PIEZO2: variants seen among roughly 807,000 people sequenced by gnomAD.
The protein encoded by PIEZO2 is piezo type mechanosensitive ion channel component 2.
In PIEZO2, 172 loss-of-function variants were observed where a neutral mutation model predicts 337.3. The observed-to-expected ratio is 0.51, with a 90% confidence interval of 0.45 to 0.58. PIEZO2 has a LOEUF of 0.58. Ranked by LOEUF, PIEZO2 falls within the 20% of genes least tolerant of loss-of-function variation. The pLI, the probability that PIEZO2 is intolerant of heterozygous loss-of-function variation, is 0.00. For synonymous variants in PIEZO2, 1,251 were observed against 1,228.5 expected, an observed-to-expected ratio of 1.02 and a Z score of -0.38; for missense variants, 3,028 against 3,391.3, an observed-to-expected ratio of 0.89 and a Z score of 2.66.
Position 10,731,414 on chromosome 18 carries a change from G to A in PIEZO2, c.5022C>T (p.Ser1674=), listed in dbSNP as rs1257017070. 1 of 1,533,298 alleles carries A rather than the reference G, an allele frequency of 6.5e-7. No homozygotes were observed. Among genetic ancestry groups the A allele is most frequent in the African/African-American group, 1.4e-5 (1 of 72,700 alleles). The allele number at this position is 1,533,298 out of a possible 1,614,324, so 95.0% of individuals were successfully genotyped here. The change falls in exon 36 of 56, where the codon TCC becomes TCT. Residue 1674 remains serine (S), a synonymous_variant. Transcript: ENST00000674853. The part of the protein sequence containing the change: ...REERKRRRKG[S]KEGPVEWEDR... ...ACCCCACCCACCACTCACCCTCCTTGGATCCTTTCCGCCTTCGTTTCCGTT... is the reference window on the plus strand; with the variant it reads ...ACCCCACCCACCACTCACCCTCCTTAGATCCTTTCCGCCTTCGTTTCCGTT...
At chr18:11,054,239 T>G (rs1375900657) in intron 2 of PIEZO2, among the ~76,000 whole-genome samples, 1 of 152,206 alleles carries the variant, frequency 6.6e-6, no homozygotes, top group African/African-American at 2.4e-5. Context: ...AGCGAAAGCA[T>G]AAAACATTTT....
chr18:11,090,843 G>GC (rs1308414327), intron 1 of PIEZO2, among the ~76,000 whole-genome samples: 1 of 151,450 alleles, frequency 6.6e-6, no homozygotes, highest in South Asian at 2.1e-4. Context: ...AACCCGGGGG[G>GC]GCAAAGCTTG....
Position 11,116,632 on chromosome 18 carries a change from C to T in PIEZO2, c.64+31893G>A, listed in dbSNP as rs536749955. ...TCGGGAGGCTGAGGCAGGAGAATGGCGTGAACCCGGGAGGCGTAGCTTGCA... is the reference window on the plus strand; with the variant it reads ...TCGGGAGGCTGAGGCAGGAGAATGGTGTGAACCCGGGAGGCGTAGCTTGCA... On this transcript the variant is annotated intron_variant, in intron 1 of 55. Transcript: ENST00000674853. This position sits in a 1 kb window ranked among gnomAD's most constrained non-coding sequence, Gnocchi z 5.0. Among the ~76,000 whole-genome samples, 2 of 151,662 alleles carry T rather than the reference C, an allele frequency of 1.3e-5. No individual in the cohort carries two copies. The highest frequency in any genetic ancestry group is 2.1e-4 in the South Asian group (1 of 4,792).
intron 1 of PIEZO2, among the ~76,000 whole-genome samples, chr18:11,144,202 A>G (rs1250942564): frequency 6.6e-6 from 1 of 152,240 alleles, no homozygotes; most frequent in Admixed American, 6.5e-5. Context: ...CAGCACCCAC[A>G]GCTCAGGAGA....
At chr18:11,134,683 A>T (rs1049993758) in intron 1 of PIEZO2, among the ~76,000 whole-genome samples, 10 of 152,232 alleles carry the variant, frequency 6.6e-5, no homozygotes, top group Admixed American at 2.6e-4. Context: ...TTAGAAATTC[A>T]CCATTTGCAG....
rs549322945 is a variant in PIEZO2, at chr18:10,690,532, C to T, written c.7349+693G>A. ...CCAATCCCTGGAAGCAACATCAGGC[C>T]CAGTCACAGGCTAGCACTGTATGAA... On this transcript the variant is annotated intron_variant, in intron 48 of 55. Transcript: ENST00000674853. 2.0e-5 allele frequency among the ~76,000 whole-genome samples: 3 copies of T among 152,276 alleles called. No homozygotes were observed. The East Asian group carries it at 5.8e-4, about 29-fold the overall frequency.
In PIEZO2 at chr18:11,048,794, C is replaced by A. The variant is rs1273933118; in HGVS notation, c.160+17333G>T. Among the ~76,000 whole-genome samples the A allele has an allele frequency of 6.6e-6, 1 of 152,200 alleles. No homozygotes were observed. The highest frequency in any genetic ancestry group is 1.5e-5 in the Non-Finnish European group (1 of 68,040). On this transcript the variant is annotated intron_variant, in intron 2 of 55. Coordinates refer to ENST00000674853, the MANE Select transcript of PIEZO2 (RefSeq NM_001378183.1). This position sits in a 1 kb window ranked among gnomAD's most constrained non-coding sequence, Gnocchi z 4.5. ...ATTAAATGAATTACTATGTAGAAAGCTTGGGACAGTTGCCTGGCATATAGC... is the reference window on the plus strand; with the variant it reads ...ATTAAATGAATTACTATGTAGAAAGATTGGGACAGTTGCCTGGCATATAGC...
At chr18:10,926,264 C>T (rs184134227) in intron 3 of PIEZO2, among the ~76,000 whole-genome samples, 123 of 152,320 alleles carry the variant, frequency 8.1e-4, no homozygotes, top group African/African-American at 2.9e-3. Flanking sequence ...GATCTCTACC[C>T]AACTCCACAT....
intron 3 of PIEZO2, among the ~76,000 whole-genome samples, chr18:10,921,030 G>A (rs2031358921): frequency 6.6e-6 from 1 of 152,122 alleles, no homozygotes; most frequent in African/African-American, 2.4e-5. Flanking sequence ...TCCAGCCTGG[G>A]CAACAAGGGC....
At chr18:10,780,493 C>A in intron 17 of PIEZO2, 127 bp from the exon 18 acceptor site, 1 of 636,650 alleles carries the variant, frequency 1.6e-6, no homozygotes, top group African/African-American at 1.8e-5. Flanking sequence ...AGTGTAGCCA[C>A]CCTCACAGGC....
Position 11,078,872 on chromosome 18 carries a change from T to C in PIEZO2, c.65-12650A>G, listed in dbSNP as rs72874237. Among the ~76,000 whole-genome samples the C allele has an allele frequency of 0.089, 13,614 of 152,168 alleles. 629 individuals carry two copies. The highest frequency in any genetic ancestry group is 0.14 in the Middle Eastern group (42 of 292). ...CTGTGTTACTGAGAATGGAGAGGGG[T>C]GAAAAAGAATCCTTGCAGGGACCAG... On this transcript the variant is annotated intron_variant, in intron 1 of 55. Transcript: ENST00000674853. The surrounding 1 kb of genome is among the most constrained non-coding windows in gnomAD (Gnocchi z 5.3).
rs140304583 is a variant in PIEZO2, at chr18:11,118,336, T to C, written c.64+30189A>G. 3.7e-3 allele frequency among the ~76,000 whole-genome samples: 571 copies of C among 152,312 alleles called. 3 individuals carry two copies. The highest frequency in any genetic ancestry group is 5.1e-3 in the Non-Finnish European group (345 of 68,028). Reference sequence around the variant, plus strand: ...GTGTTGTCCCAGACTGGCCCTTCTTTCATACTCATTTCCTTTTTATTCCAC... The same window carrying C: ...GTGTTGTCCCAGACTGGCCCTTCTTCCATACTCATTTCCTTTTTATTCCAC... On this transcript the variant is annotated intron_variant, in intron 1 of 55. Transcript: ENST00000674853.
At chr18:10,703,019 T>A (rs375844728) in intron 42 of PIEZO2, among the ~76,000 whole-genome samples, 27 of 152,264 alleles carry the variant, frequency 1.8e-4, no homozygotes, top group Middle Eastern at 3.4e-3. Flanking sequence ...GCCTGGCTAA[T>A]GTTTTTTATT....
intron 23 of PIEZO2, among the ~76,000 whole-genome samples, chr18:10,761,947 TC>T (rs1407120472): frequency 6.6e-6 from 1 of 152,246 alleles, no homozygotes; most frequent in Non-Finnish European, 1.5e-5. Flanking sequence ...CTATTTGTAC[TC>T]GTTTCCTTTT....
chr18:10,730,583 T>G (rs2036723859), intron 36 of PIEZO2, among the ~76,000 whole-genome samples: 1 of 152,194 alleles, frequency 6.6e-6, no homozygotes, highest in African/African-American at 2.4e-5. Flanking sequence ...ATTTTTACCC[T>G]TAGAGATGTG....
In PIEZO2 at chr18:10,834,461, C is replaced by A. The variant is rs2144561246; in HGVS notation, c.917+20892G>T. On this transcript the variant is annotated intron_variant, in intron 7 of 55. Coordinates refer to ENST00000674853, the MANE Select transcript of PIEZO2 (RefSeq NM_001378183.1). The surrounding 1 kb of genome is among the most constrained non-coding windows in gnomAD (Gnocchi z 4.5). ...ACAACTATGATATTATCACTATTAGCCCAGCCCCACTCTGTGATGCAGGTG... is the reference window on the plus strand; with the variant it reads ...ACAACTATGATATTATCACTATTAGACCAGCCCCACTCTGTGATGCAGGTG... Among the ~76,000 whole-genome samples, 1 of 152,286 alleles carries A rather than the reference C, an allele frequency of 6.6e-6. No homozygotes were observed. Among genetic ancestry groups the A allele is most frequent in the East Asian group, 1.9e-4 (1 of 5,180 alleles).
At chr18:10,885,242 G>T (rs984967863) in intron 4 of PIEZO2, among the ~76,000 whole-genome samples, 15 of 152,030 alleles carry the variant, frequency 9.9e-5, no homozygotes, top group African/African-American at 3.4e-4. Flanking sequence ...GGCTAACATG[G>T]TGAAACCCTG....
At position 10,987,959 on chromosome 18, in the gene PIEZO2, A is replaced by T. The variant is rs1219963533; in HGVS notation, c.161-8299T>A. ...GAACTGGTCGACATCACTAATTATG[A>T]AGGAAATGCAAAACAAAACCACAAG... On this transcript the variant is annotated intron_variant, in intron 2 of 55. Coordinates refer to ENST00000674853, the MANE Select transcript of PIEZO2 (RefSeq NM_001378183.1). Among the ~76,000 whole-genome samples, 3 of 152,156 alleles carry T rather than the reference A, an allele frequency of 2.0e-5. 1 individual carries two copies. The highest frequency in any genetic ancestry group is 6.6e-5 in the Admixed American group (1 of 15,266).
intron 4 of PIEZO2, among the ~76,000 whole-genome samples, chr18:10,904,695 AGG>A (rs540818520): frequency 3.7e-4 from 57 of 152,394 alleles, no homozygotes; most frequent in East Asian, 3.1e-3. Flanking sequence ...CCTGGATCCC[AGG>A]ATGGAGCAGG....
Sources: gnomAD v4.1 joint callset for allele counts (sites outside exome capture counted in the v4.1 genomes callset) on GRCh38, gnomAD v4.1.1 for gene constraint, Gnocchi (gnomAD v3.1) non-coding constraint, MANE v1.5 for transcripts, NCBI Gene and HGNC (gene_info 2026-07-23, HGNC 2026-07-21) for gene names.